P2RX5: variants seen among roughly 807,000 people sequenced by gnomAD.
The protein encoded by P2RX5 is P2X purinoceptor 5.
P2RX5 carries 46 observed loss-of-function variants against 54.1 expected under a neutral mutation model. The ratio of observed to expected loss-of-function variants is 0.85; its 90% CI spans 0.67 to 1.09. The LOEUF is 1.09. Among genes scored for constraint, P2RX5 ranks in the 50% least tolerant of loss-of-function variants. The pLI is 0.00. For missense variants in P2RX5, 566 were observed against 549.8 expected (o/e 1.03, Z -0.29); for synonymous variants, 226 against 226.4 (o/e 1.00, Z 0.02).
the P2RX5 span, chr17:3,723,426 G>T: frequency 1.4e-6 from 2 of 1,402,470 alleles, no homozygotes; most frequent in African/African-American, 1.4e-5. Flanking sequence ...TTTCCGTGCG[G>T]AAAGTCTGAA....
At chr17:3,710,330 G>C in the P2RX5 span, among the ~76,000 whole-genome samples, 1 of 151,950 alleles carries the variant, frequency 6.6e-6, no homozygotes, top group Non-Finnish European at 1.5e-5. Context: ...AGGAAGCTGA[G>C]GCATGAGAAT....
Position 3,688,026 on chromosome 17 carries a change from T to C in P2RX5, c.967A>G (p.Met323Val), listed in dbSNP as rs2050497688. ...GGCACACGCACCTTGCCGTTCACCA[T>C]CACGTCAAAGCGGATCCCGTAGGCT... ...MKAYGIRFDV[M>V]VNGKGAFFCD... Residue 323 changes from methionine to valine, a missense_variant, in exon 9 of 12, where the codon ATG (methionine) becomes GTG (valine). Transcript: ENST00000225328. 6.5e-7 allele frequency: 1 copy of C among 1,537,812 alleles called. No homozygotes were observed. Among genetic ancestry groups the C allele is most frequent in the Non-Finnish European group, 8.9e-7 (1 of 1,126,852 alleles).
intron 1 of P2RX5, among the ~76,000 whole-genome samples, chr17:3,693,127 C>CAAAAA (rs34356240): frequency 0.017 from 1,710 of 101,492 alleles, 29 homozygotes; most frequent in African/African-American, 0.047. Context: ...AGACATTTCT[C>CAAAAA]AAAAAAAAAA....
the P2RX5 span, among the ~76,000 whole-genome samples, chr17:3,719,075 AAAAT>A: frequency 2.0e-5 from 3 of 150,042 alleles, no homozygotes; most frequent in Admixed American, 6.6e-5. Context: ...CTATTTAAAA[AAAAT>A]AAATAAATTA....
chr17:3,693,283 C>A (rs190136675), intron 1 of P2RX5, among the ~76,000 whole-genome samples: 1 of 152,130 alleles, frequency 6.6e-6, no homozygotes, highest in Admixed American at 6.5e-5. Context: ...TTTTTAAAAA[C>A]CCTACAGATA....
At chr17:3,701,899 G>T in the P2RX5 span, among the ~76,000 whole-genome samples, 1 of 151,728 alleles carries the variant, frequency 6.6e-6, no homozygotes, top group Non-Finnish European at 1.5e-5. Context: ...GGGACTACAG[G>T]CACACACCAC....
intron 11 of P2RX5, chr17:3,675,677 G>C: frequency 7.7e-6 from 5 of 646,122 alleles, no homozygotes; most frequent in Non-Finnish European, 9.6e-6. Flanking sequence ...TCCGCCTCCC[G>C]AGTAGCTGGG....
the P2RX5 span, among the ~76,000 whole-genome samples, chr17:3,714,409 G>A: frequency 6.7e-6 from 1 of 148,898 alleles, no homozygotes; most frequent in Admixed American, 6.6e-5. Context: ...TGTATTTTTA[G>A]TAGAGATGGG....
intron 9 of P2RX5, chr17:3,682,480 G>T: frequency 4.8e-6 from 1 of 207,406 alleles, no homozygotes; most frequent in Non-Finnish European, 1.0e-5. Context: ...ACGGAGGGAG[G>T]AACAAGCCTG....
In P2RX5 at chr17:3,673,771, TC is replaced by T; in HGVS notation, c.*96del. The stretch of plus-strand genomic sequence containing the variant: ...ATTGATAGCACCCAATGTACAAATT[TC>T]CCGTTGGGCAGCATCCTGGGATTCC... On this transcript the variant is annotated 3_prime_UTR_variant, in exon 12 of 12. Transcript: ENST00000225328. 6.2e-7 allele frequency: 1 copy of T among 1,611,452 alleles called. No homozygotes were observed. The highest frequency in any genetic ancestry group is 8.5e-7 in the Non-Finnish European group (1 of 1,179,678).
At chr17:3,675,324 G>C (rs2050078196) in intron 11 of P2RX5, 1 of 983,928 alleles carries the variant, frequency 1.0e-6, no homozygotes, top group African/African-American at 1.7e-5. Flanking sequence ...ACAGGCGTGA[G>C]CCACCGTGCC....
intron 6 of P2RX5, among the ~76,000 whole-genome samples, 186 bp downstream of exon 6, chr17:3,689,880 GCACA>G (rs555648203): frequency 1.3e-5 from 2 of 149,406 alleles, no homozygotes; most frequent in Non-Finnish European, 2.9e-5. Context: ...GCGAACACAC[GCACA>G]CACACAAACG....
intron 1 of P2RX5, 56 bp downstream of exon 1, chr17:3,695,813 G>C (rs1169028112): frequency 6.3e-7 from 1 of 1,595,568 alleles, no homozygotes; most frequent in Admixed American, 1.7e-5. Context: ...AGGACGCGGC[G>C]GCTGGCACCC....
chr17:3,693,498 G>A (rs902107653), intron 1 of P2RX5, among the ~76,000 whole-genome samples: 2 of 152,206 alleles, frequency 1.3e-5, no homozygotes, highest in African/African-American at 4.8e-5. Flanking sequence ...CACTTTGGGA[G>A]GCCAAGGCAG....
the P2RX5 span, among the ~76,000 whole-genome samples, chr17:3,711,770 C>T: frequency 6.6e-6 from 1 of 152,210 alleles, no homozygotes; most frequent in South Asian, 2.1e-4. Context: ...TCTCGTCTCA[C>T]TGCAAACTCT....
intron 8 of P2RX5, 121 bp downstream of exon 8, chr17:3,688,505 G>A (rs1012146174): frequency 1.7e-5 from 18 of 1,083,984 alleles, no homozygotes; most frequent in Non-Finnish European, 2.6e-5. Flanking sequence ...TGGGCCATCT[G>A]TCCCTGCACC....
chr17:3,719,944 T>C, the P2RX5 span, among the ~76,000 whole-genome samples: 1 of 152,188 alleles, frequency 6.6e-6, no homozygotes, highest in African/African-American at 2.4e-5. Flanking sequence ...CAGGCTTGTG[T>C]TGAACTTCTG....
intron 11 of P2RX5, among the ~76,000 whole-genome samples, chr17:3,674,478 G>C (rs151228039): frequency 6.6e-6 from 1 of 152,194 alleles, no homozygotes. Flanking sequence ...GCTGTCAGGC[G>C]ATCCCTGGCT....
At chr17:3,720,322 C>A in the P2RX5 span, 1 of 1,566,908 alleles carries the variant, frequency 6.4e-7, no homozygotes, top group Non-Finnish European at 8.8e-7. Context: ...TTCTGTGGTT[C>A]TCTGCATTCA....
Sources: gnomAD v4.1 joint callset for allele counts (sites outside exome capture counted in the v4.1 genomes callset) on GRCh38, gnomAD v4.1.1 for gene constraint, MANE v1.5 for transcripts, NCBI Gene and HGNC (gene_info 2026-07-23, HGNC 2026-07-21) for gene names.